Variants in CORO2B observed in about 807,000 individuals in gnomAD.
CORO2B encodes coronin 2B, also known as coronin-2B.
In CORO2B, 26 loss-of-function variants were observed where a neutral mutation model predicts 58.8. The ratio of observed to expected loss-of-function variants is 0.44; its 90% CI spans 0.32 to 0.61. The LOEUF is 0.61. Among genes scored for constraint, CORO2B ranks in the 20% least tolerant of loss-of-function variants. The pLI is 0.04. For missense variants in CORO2B, 460 were observed against 645.1 expected (o/e 0.71, Z 3.11); for synonymous variants, 242 against 253.8 (o/e 0.95, Z 0.44).
At chr15:68,616,603 T>C in intron 1 of CORO2B, 5 of 985,426 alleles carry the variant, frequency 5.1e-6, no homozygotes, top group Non-Finnish European at 4.8e-6. Flanking sequence ...GGTCGAATGA[T>C]TCTGACAAGC....
the CORO2B span, among the ~76,000 whole-genome samples, chr15:68,573,170 C>A: frequency 1.3e-5 from 2 of 152,060 alleles, no homozygotes; most frequent in African/African-American, 4.8e-5. Context: ...AGGTGAAAGA[C>A]AACACCCCAG....
chr15:68,713,552 C>T (rs1007952800), intron 5 of CORO2B, among the ~76,000 whole-genome samples: 1 of 152,212 alleles, frequency 6.6e-6, no homozygotes, highest in African/African-American at 2.4e-5. Flanking sequence ...ACTGTACTCC[C>T]TACAGATGCT....
intron 1 of CORO2B, among the ~76,000 whole-genome samples, chr15:68,598,720 T>C (rs1899901625): frequency 1.3e-5 from 2 of 152,242 alleles, no homozygotes; most frequent in Admixed American, 1.3e-4. Flanking sequence ...CCTTCCCATC[T>C]CTTTGCTGGG....
chr15:68,650,279 A>G (rs1901589622), intron 2 of CORO2B, among the ~76,000 whole-genome samples: 1 of 150,022 alleles, frequency 6.7e-6, no homozygotes, highest in African/African-American at 2.5e-5. Context: ...GAGGCAGGAG[A>G]ATTGGAGGCG....
At chr15:68,631,926 C>T (rs1464274647) in intron 1 of CORO2B, 1 of 985,048 alleles carries the variant, frequency 1.0e-6, no homozygotes, top group Non-Finnish European at 1.2e-6. Context: ...AGATGGCCAC[C>T]AGGGAGGGCC....
the CORO2B span, among the ~76,000 whole-genome samples, chr15:68,521,722 A>T: frequency 1.3e-5 from 2 of 151,116 alleles, no homozygotes; most frequent in Non-Finnish European, 3.0e-5. Context: ...TTTTGAAGGT[A>T]TGTGTCTTTT....
the CORO2B span, among the ~76,000 whole-genome samples, chr15:68,573,268 CAA>C: frequency 1.3e-5 from 2 of 151,912 alleles, no homozygotes; most frequent in Non-Finnish European, 2.9e-5. Context: ...GCAAGAGAGA[CAA>C]AGAGAGAAAG....
rs1567022801 is a variant in CORO2B, at chr15:68,726,921, G to A, written c.*947G>A. 1 of 152,484 alleles carries A rather than the reference G, an allele frequency of 6.6e-6. No individual in the cohort carries two copies. The highest frequency in any genetic ancestry group is 1.9e-4 in the East Asian group (1 of 5,190). 9.4% of individuals were successfully genotyped at this position (152,484 alleles called of 1,614,324 possible). On this transcript the variant is annotated 3_prime_UTR_variant, in exon 12 of 12. Coordinates refer to ENST00000261861, the MANE Select transcript of CORO2B (RefSeq NM_006091.5). ...TCTACCCAGCACCAGTAGTGCCGAT[G>A]TGCCACACTGCCCAGTTGAGGCCCC...
chr15:68,706,110 A>G (rs1182109080), intron 3 of CORO2B, among the ~76,000 whole-genome samples: 5 of 152,104 alleles, frequency 3.3e-5, no homozygotes, highest in Non-Finnish European at 5.9e-5. Context: ...CTCAGTGACG[A>G]GATATGACAC....
At chr15:68,602,435 A>G (rs895861609) in intron 1 of CORO2B, among the ~76,000 whole-genome samples, 9 of 151,860 alleles carry the variant, frequency 5.9e-5, no homozygotes, top group African/African-American at 2.2e-4. Flanking sequence ...ACACACACAC[A>G]CACACACACA....
intron 1 of CORO2B, among the ~76,000 whole-genome samples, chr15:68,620,990 C>A (rs1295252309): frequency 6.6e-6 from 1 of 152,234 alleles, no homozygotes; most frequent in Non-Finnish European, 1.5e-5. Flanking sequence ...TGCTCCGCTT[C>A]CGGGAAGCTA....
At chr15:68,690,646 CTTT>C (rs765999578) in intron 2 of CORO2B, among the ~76,000 whole-genome samples, 15 of 102,860 alleles carry the variant, frequency 1.5e-4, no homozygotes, top group African/African-American at 3.6e-4. Flanking sequence ...CGTTAGCTTT[CTTT>C]TTTTTTTTTT....
chr15:68,590,348 C>G (rs1257429080), intron 1 of CORO2B, among the ~76,000 whole-genome samples: 1 of 152,006 alleles, frequency 6.6e-6, no homozygotes, highest in Non-Finnish European at 1.5e-5. Flanking sequence ...CAAAGCTCTT[C>G]GGAGGCTGCC....
At chr15:68,661,884 G>A (rs1902025814) in intron 2 of CORO2B, among the ~76,000 whole-genome samples, 1 of 152,156 alleles carries the variant, frequency 6.6e-6, no homozygotes, top group Non-Finnish European at 1.5e-5. Context: ...GCGTGCACCT[G>A]TAATCCCAGG....
At chr15:68,564,204 T>C in the CORO2B span, among the ~76,000 whole-genome samples, 2 of 152,220 alleles carry the variant, frequency 1.3e-5, no homozygotes, top group African/African-American at 4.8e-5. Context: ...TTAATAAATA[T>C]TGTTTTCAGC....
intron 1 of CORO2B, among the ~76,000 whole-genome samples, chr15:68,615,750 A>G (rs1188225263): frequency 6.6e-6 from 1 of 152,224 alleles, no homozygotes; most frequent in Non-Finnish European, 1.5e-5. Context: ...AAAGTGGGCC[A>G]TCACCAGACA....
intron 1 of CORO2B, among the ~76,000 whole-genome samples, chr15:68,579,556 A>G (rs986842957): frequency 6.6e-6 from 1 of 152,212 alleles, no homozygotes; most frequent in South Asian, 2.1e-4. Context: ...CTTGTTTGGG[A>G]TGCTGCATTT....
At chr15:68,573,139 C>A in the CORO2B span, among the ~76,000 whole-genome samples, 1 of 152,116 alleles carries the variant, frequency 6.6e-6, no homozygotes, top group Admixed American at 6.5e-5. Context: ...TCAGGTGGCT[C>A]CCTCAGTGAT....
rs746643745 is a variant in CORO2B, at chr15:68,719,137, A to G, written c.1081-7A>G. 7 of 1,611,334 alleles carry G rather than the reference A, an allele frequency of 4.3e-6. No homozygotes were observed. In the South Asian group the frequency reaches 7.7e-5, roughly 18 times the overall value. On this transcript the variant is annotated splice_region_variant and splice_polypyrimidine_tract_variant and intron_variant, in intron 9 of 11. Transcript: ENST00000261861. Reference sequence around the variant, plus strand: ...ATGTGTCCTCTCTTCTGCTCCTCCCACTGTAGTCAGATTCCTACCAGGAAG... The same window carrying G: ...ATGTGTCCTCTCTTCTGCTCCTCCCGCTGTAGTCAGATTCCTACCAGGAAG...
Sources: gnomAD v4.1 joint callset for allele counts (sites outside exome capture counted in the v4.1 genomes callset) on GRCh38, gnomAD v4.1.1 for gene constraint, MANE v1.5 for transcripts, NCBI Gene and HGNC (gene_info 2026-07-23, HGNC 2026-07-21) for gene names.